The following SLC13A3 variants were observed in gnomAD, a reference collection of about 807,000 sequenced individuals.
The protein encoded by SLC13A3 is Na(+)/dicarboxylate cotransporter 3.
A neutral mutation model predicts 59.0 loss-of-function variants in SLC13A3; 40 were observed. That is an observed-to-expected ratio of 0.68 (90% CI 0.53 to 0.88). The LOEUF is 0.88. SLC13A3 is among the 40% of genes least tolerant of loss of function. The probability of loss-of-function intolerance (pLI) is 0.00; values close to 1 mark genes in which losing one functional copy is unlikely to be tolerated. For missense variants in SLC13A3, 699 were observed against 783.2 expected, an observed-to-expected ratio of 0.89 and a Z score of 1.28; for synonymous variants, 317 against 330.3, an observed-to-expected ratio of 0.96 and a Z score of 0.44.
chr20:46,651,380 C>A lies in SLC13A3; in HGVS notation c.42G>T (p.Ala14=). 2 of 1,509,456 alleles carry A rather than the reference C, an allele frequency of 1.3e-6. No individual in the cohort carries two copies. Among genetic ancestry groups the A allele is most frequent in the Non-Finnish European group, 1.8e-6 (2 of 1,132,904 alleles). The allele number at this position is 1,509,456 out of a possible 1,614,324, so 93.5% of individuals were successfully genotyped here. Residue 14 remains alanine (A), a synonymous_variant, in exon 1 of 13, where the codon GCG becomes GCT. Transcript: ENST00000279027. ...TGAACAGCAGCACCAGCAGCCGCCGCGCGCTCCACACCTTCTTGGCCGCTG... is the reference window on the plus strand; with the variant it reads ...TGAACAGCAGCACCAGCAGCCGCCGAGCGCTCCACACCTTCTTGGCCGCTG... ...LAAAAKKVWS[A]RRLLVLLFTP...
intron 1 of SLC13A3, among the ~76,000 whole-genome samples, chr20:46,616,953 G>A (rs1470144095): frequency 6.6e-6 from 1 of 152,180 alleles, no homozygotes; most frequent in African/African-American, 2.4e-5. Context: ...CTTGGCTCCT[G>A]GTACAAAAGC....
intron 1 of SLC13A3, among the ~76,000 whole-genome samples, chr20:46,675,409 T>C (rs894286774): frequency 1.9e-4 from 28 of 146,018 alleles, no homozygotes; most frequent in African/African-American, 3.8e-4. Flanking sequence ...TTTTTTCTTT[T>C]TTTTTTTTTT....
intron 3 of SLC13A3, among the ~76,000 whole-genome samples, chr20:46,601,131 G>C (rs1447659904): frequency 6.6e-6 from 1 of 151,984 alleles, no homozygotes; most frequent in African/African-American, 2.4e-5. Context: ...ATGGGGGTGG[G>C]GACGGAGTGG....
At chr20:46,581,263 G>A (rs1005617118) in intron 9 of SLC13A3, among the ~76,000 whole-genome samples, 1 of 152,210 alleles carries the variant, frequency 6.6e-6, no homozygotes, top group Non-Finnish European at 1.5e-5. Flanking sequence ...GGCATTGTGA[G>A]TTCAACCCCA....
At chr20:46,669,756 T>C (rs1176174425) in intron 1 of SLC13A3, among the ~76,000 whole-genome samples, 3 of 152,174 alleles carry the variant, frequency 2.0e-5, no homozygotes, top group Non-Finnish European at 2.9e-5. Flanking sequence ...ATTTATAAAA[T>C]TGTTGTCCAA....
At chr20:46,608,468 T>G (rs759542544) in intron 3 of SLC13A3, among the ~76,000 whole-genome samples, 26 of 152,344 alleles carry the variant, frequency 1.7e-4, no homozygotes, top group Non-Finnish European at 3.7e-4. Context: ...GCTATAAAGC[T>G]TCTCTTCACT....
At chr20:46,652,954 G>C (rs1358477299), upstream of SLC13A3, among the ~76,000 whole-genome samples, 3 of 152,174 alleles carry the variant, frequency 2.0e-5, no homozygotes, top group Admixed American at 6.5e-5. Context: ...TTCTGACAGG[G>C]ACATAGTAAT....
chr20:46,676,475 G>A (rs967710741), intron 1 of SLC13A3, among the ~76,000 whole-genome samples: 5 of 140,172 alleles, frequency 3.6e-5, no homozygotes, highest in African/African-American at 1.3e-4. Context: ...GGCTGGTCTC[G>A]AACTCCTGAG....
intron 1 of SLC13A3, among the ~76,000 whole-genome samples, chr20:46,647,791 A>G (rs1357004433): frequency 6.6e-6 from 1 of 152,218 alleles, no homozygotes; most frequent in Non-Finnish European, 1.5e-5. Flanking sequence ...AGAACAGCAA[A>G]GCAGCAGTGG....
chr20:46,607,565 C>T (rs1394362022), intron 3 of SLC13A3, among the ~76,000 whole-genome samples: 1 of 152,248 alleles, frequency 6.6e-6, no homozygotes, highest in Admixed American at 6.5e-5. Context: ...GATCCCCTCC[C>T]TCTTGACATC....
upstream of SLC13A3, among the ~76,000 whole-genome samples, chr20:46,671,356 C>T (rs1027585014): frequency 1.3e-5 from 2 of 152,174 alleles, no homozygotes; most frequent in African/African-American, 4.8e-5. Context: ...TCTCCCTTCA[C>T]CCTATATTTG....
upstream of SLC13A3, among the ~76,000 whole-genome samples, chr20:46,652,637 G>A (rs573405789): frequency 1.9e-4 from 28 of 148,222 alleles, no homozygotes; most frequent in South Asian, 6.0e-3. Flanking sequence ...CTCATGATCC[G>A]CCCATCTCGG....
At chr20:46,632,673 A>G (rs1007334835) in intron 1 of SLC13A3, among the ~76,000 whole-genome samples, 8 of 152,120 alleles carry the variant, frequency 5.3e-5, no homozygotes, top group African/African-American at 1.9e-4. Context: ...GTTTTCTGTA[A>G]AATGAGGGTG....
chr20:46,683,326 T>C (rs564895505), intron 1 of SLC13A3, among the ~76,000 whole-genome samples: 1 of 152,336 alleles, frequency 6.6e-6, no homozygotes, highest in Non-Finnish European at 1.5e-5. Flanking sequence ...GGAATGCTGG[T>C]AGCTGTGCCA....
intron 2 of SLC13A3, among the ~76,000 whole-genome samples, chr20:46,612,046 A>C (rs563757549): frequency 1.3e-5 from 2 of 149,840 alleles, no homozygotes; most frequent in Non-Finnish European, 3.0e-5. Flanking sequence ...ACCCAAAAAA[A>C]AATCCCTGAC....
intron 3 of SLC13A3, chr20:46,600,474 T>G: frequency 5.3e-6 from 1 of 188,156 alleles, no homozygotes; most frequent in Non-Finnish European, 1.3e-5. Flanking sequence ...AGAAAGGTCA[T>G]TCAGCATTCT....
At chr20:46,591,946 C>T (rs2062262143) in intron 6 of SLC13A3, among the ~76,000 whole-genome samples, 2 of 152,102 alleles carry the variant, frequency 1.3e-5, no homozygotes, top group South Asian at 4.2e-4. Flanking sequence ...TGGCTCACAC[C>T]TATAACCCCA....
intron 3 of SLC13A3, among the ~76,000 whole-genome samples, chr20:46,601,747 G>A (rs777622325): frequency 7.2e-5 from 11 of 152,184 alleles, no homozygotes; most frequent in Non-Finnish European, 1.6e-4. Context: ...GTGAGGGGAT[G>A]AGCCAAGCAA....
At chr20:46,600,223 GGGGA>G (rs199694966) in intron 3 of SLC13A3, among the ~76,000 whole-genome samples, 186 bp from the exon 4 acceptor site, 383 of 140,488 alleles carry the variant, frequency 2.7e-3, no homozygotes, top group Middle Eastern at 0.014. Flanking sequence ...AGGGAGAGAG[GGGGA>G]GGGAGGGAGG....
Sources: gnomAD v4.1 joint callset for allele counts (sites outside exome capture counted in the v4.1 genomes callset) on GRCh38, gnomAD v4.1.1 for gene constraint, MANE v1.5 for transcripts, NCBI Gene and HGNC (gene_info 2026-07-23, HGNC 2026-07-21) for gene names.